Variants in MROH9 observed in about 807,000 individuals in gnomAD.
The protein encoded by MROH9 is maestro heat-like repeat-containing protein family member 9.
Under a neutral mutation model 98.2 loss-of-function variants are expected in MROH9, and 92 were observed. The ratio of observed to expected loss-of-function variants is 0.94; its 90% CI spans 0.79 to 1.11. The LOEUF is 1.11. MROH9 is among the 50% of genes most tolerant of loss of function. The pLI is 0.00. For synonymous variants in MROH9, 397 were observed against 368.9 expected (o/e 1.08, Z -0.87); for missense variants, 1,057 against 1,014.8 (o/e 1.04, Z -0.57).
chr1:171,064,463 G>A lies in MROH9; in HGVS notation c.*123G>A. ...TGACAACTTGAGTCTGTTTGTAGAT[G>A]CTTTTCTGAAAAATTCTGGAAGCTT... On this transcript the variant is annotated 3_prime_UTR_variant, in exon 22 of 22. Coordinates refer to ENST00000367759, the MANE Select transcript of MROH9 (RefSeq NM_001163629.2). The A allele has an allele frequency of 3.9e-6, 4 of 1,014,692 alleles. No individual in the cohort carries two copies. The highest frequency in any genetic ancestry group is 5.5e-6 in the Non-Finnish European group (4 of 730,784). The allele number at this position is 1,014,692 out of a possible 1,614,324, so 62.9% of individuals were successfully genotyped here.
intron 3 of MROH9, among the ~76,000 whole-genome samples, chr1:170,953,867 G>A (rs543866805): frequency 3.7e-5 from 4 of 109,034 alleles, no homozygotes; most frequent in African/African-American, 1.5e-4. Context: ...AAGAAAGAGA[G>A]AGAGAGAGAG....
chr1:170,979,804 T>C (rs1363791205), intron 8 of MROH9, among the ~76,000 whole-genome samples: 1 of 152,224 alleles, frequency 6.6e-6, no homozygotes, highest in Non-Finnish European at 1.5e-5. Context: ...AAGTCATCTC[T>C]GTTTGCAGAT....
rs560107035 is a variant in MROH9 at position 171,048,637 on chromosome 1, C to A, written c.2282-13495C>A. 5.9e-5 allele frequency among the ~76,000 whole-genome samples: 9 copies of A among 152,246 alleles called. No homozygotes were observed. The East Asian group carries it at 1.7e-3, about 29-fold the overall frequency. Reference sequence around the variant, plus strand: ...TCCCAAGAGCCCACTTGATGCTCTGCCCCCTGTAACTGTGCTGGGATCTAA... The same window carrying A: ...TCCCAAGAGCCCACTTGATGCTCTGACCCCTGTAACTGTGCTGGGATCTAA... On this transcript the variant is annotated intron_variant, in intron 20 of 21. Transcript: ENST00000367759.
intron 1 of MROH9, among the ~76,000 whole-genome samples, chr1:170,939,520 CT>C (rs1481944725): frequency 6.6e-6 from 1 of 152,210 alleles, no homozygotes; most frequent in Non-Finnish European, 1.5e-5. Flanking sequence ...TCATAGGGAA[CT>C]CCCCATGAAG....
At chr1:170,941,657 A>G (rs1230486271) in intron 1 of MROH9, among the ~76,000 whole-genome samples, 1 of 152,112 alleles carries the variant, frequency 6.6e-6, no homozygotes, top group Non-Finnish European at 1.5e-5. Context: ...AAATCCAATT[A>G]TCCTCATCAC....
In MROH9 at chr1:171,024,527, G is replaced by A. The variant is rs551482666; in HGVS notation, c.2041G>A (p.Asp681Asn). 5.9e-6 allele frequency: 9 copies of A among 1,532,238 alleles called. No individual in the cohort carries two copies. Among genetic ancestry groups the A allele is most frequent in the Non-Finnish European group, 7.9e-6 (9 of 1,139,926 alleles). 94.9% of individuals were successfully genotyped at this position (1,532,238 alleles called of 1,614,324 possible). The part of the protein sequence containing the change: ...LVPLILFLED[D>N]DKRVAEACKY... Reference sequence around the variant, plus strand: ...GCCCCTAATCCTATTTTTGGAGGATGATGATAAAAGAGTAGCTGAAGTAAG... The same window carrying A: ...GCCCCTAATCCTATTTTTGGAGGATAATGATAAAAGAGTAGCTGAAGTAAG... The change falls in exon 18 of 22, where the codon GAT (aspartate) becomes AAT (asparagine). Residue 681 changes from aspartate to asparagine, a missense_variant. Coordinates refer to ENST00000367759, the MANE Select transcript of MROH9 (RefSeq NM_001163629.2).
chr1:171,048,508 G>A (rs1288088150), intron 20 of MROH9, among the ~76,000 whole-genome samples: 1 of 152,068 alleles, frequency 6.6e-6, no homozygotes, highest in East Asian at 1.9e-4. Flanking sequence ...ATCTTGTGGT[G>A]AATGCTGCCT....
intron 20 of MROH9, 75 bp downstream of exon 20, chr1:171,025,495 T>A: frequency 2.0e-6 from 2 of 989,156 alleles, no homozygotes. Flanking sequence ...AAAGTCTTTC[T>A]TACATTTTTT....
intron 17 of MROH9, among the ~76,000 whole-genome samples, chr1:171,019,742 A>T (rs1652450022): frequency 6.6e-6 from 1 of 152,188 alleles, no homozygotes; most frequent in Non-Finnish European, 1.5e-5. Context: ...TTCAAAAGCT[A>T]GCAGAAAACA....
intron 8 of MROH9, among the ~76,000 whole-genome samples, chr1:170,976,651 G>A (rs1011612083): frequency 6.6e-6 from 1 of 152,076 alleles, no homozygotes; most frequent in African/African-American, 2.4e-5. Context: ...GGAGGCTGAG[G>A]CATATAAAAA....
chr1:170,965,414 G>C (rs919723487), intron 7 of MROH9, among the ~76,000 whole-genome samples, 159 bp downstream of exon 7: 3 of 152,036 alleles, frequency 2.0e-5, no homozygotes, highest in African/African-American at 7.2e-5. Context: ...TATCCCACAT[G>C]ACTTTTTGTC....
At chr1:171,047,112 C>G (rs1653494371) in intron 20 of MROH9, among the ~76,000 whole-genome samples, 1 of 152,010 alleles carries the variant, frequency 6.6e-6, no homozygotes, top group Non-Finnish European at 1.5e-5. Flanking sequence ...TATCCTTGAC[C>G]TTTGGGAGTT....
intron 7 of MROH9, among the ~76,000 whole-genome samples, chr1:170,967,499 A>G (rs1650278618): frequency 1.3e-5 from 2 of 152,248 alleles, no homozygotes; most frequent in African/African-American, 4.8e-5. Flanking sequence ...TATCTGACAC[A>G]TTGTATATCA....
At chr1:170,980,492 C>A (rs1480740416) in intron 8 of MROH9, among the ~76,000 whole-genome samples, 2 of 152,130 alleles carry the variant, frequency 1.3e-5, no homozygotes, top group African/African-American at 2.4e-5. Flanking sequence ...TGATCTTTGA[C>A]AAACCTGACA....
At chr1:170,995,895 C>A (rs1415221003) in intron 13 of MROH9, among the ~76,000 whole-genome samples, 1 of 152,054 alleles carries the variant, frequency 6.6e-6, no homozygotes, top group African/African-American at 2.4e-5. Context: ...CTGCTAGTAA[C>A]CTCTCAGGGT....
chr1:171,064,527 T>C lies in MROH9; in HGVS notation c.*187T>C. On this transcript the variant is annotated 3_prime_UTR_variant, in exon 22 of 22. Coordinates refer to ENST00000367759, the MANE Select transcript of MROH9 (RefSeq NM_001163629.2). ...TTAATTCTCTATTCAAATATAGAAA[T>C]CTGAGAGAACTAGTGCCTCTGTATG... is the stretch of plus-strand genomic sequence containing the variant. The C allele has an allele frequency of 3.6e-6, 2 of 553,782 alleles. No homozygotes were observed. The highest frequency in any genetic ancestry group is 6.0e-6 in the Non-Finnish European group (2 of 332,562). The allele number at this position is 553,782 out of a possible 1,614,324, so 34.3% of individuals were successfully genotyped here.
chr1:171,062,674 A>T (rs1174695548), intron 21 of MROH9, among the ~76,000 whole-genome samples: 1 of 152,258 alleles, frequency 6.6e-6, no homozygotes, highest in Non-Finnish European at 1.5e-5. Flanking sequence ...GGGTAATATT[A>T]GTCTATCAAA....
chr1:171,064,072 G>A, intron 21 of MROH9, 27 bp from the exon 22 acceptor site: 1 of 1,515,752 alleles, frequency 6.6e-7, no homozygotes, highest in Admixed American at 2.4e-5. Flanking sequence ...GAGATAACTT[G>A]AACTAAAGTC....
intron 3 of MROH9, among the ~76,000 whole-genome samples, chr1:170,953,801 GGAGA>G (rs1208201194): frequency 1.7e-4 from 24 of 144,836 alleles, no homozygotes; most frequent in South Asian, 6.6e-4. Flanking sequence ...GGGAGGAGAG[GGAGA>G]GAGAGAGAGA....
Sources: gnomAD v4.1 joint callset for allele counts (sites outside exome capture counted in the v4.1 genomes callset) on GRCh38, gnomAD v4.1.1 for gene constraint, MANE v1.5 for transcripts, NCBI Gene and HGNC (gene_info 2026-07-23, HGNC 2026-07-21) for gene names.